Variants in NFIB observed in about 807,000 individuals in gnomAD.
NFIB encodes the protein nuclear factor I B.
A neutral mutation model predicts 61.5 loss-of-function variants in NFIB; 11 were observed. The ratio of observed to expected loss-of-function variants is 0.18; its 90% confidence interval spans 0.11 to 0.30. The LOEUF is 0.30. Ranked by LOEUF, NFIB falls within the 10% of genes least tolerant of loss-of-function variation. NFIB has a pLI of 1.00. For missense variants in NFIB, 471 were observed against 608.9 expected (o/e 0.77, Z 2.38); for synonymous variants, 260 against 216.5 (o/e 1.20, Z -1.76).
the NFIB span, among the ~76,000 whole-genome samples, chr9:14,519,650 A>G: frequency 1.3e-5 from 2 of 152,144 alleles, no homozygotes; most frequent in South Asian, 4.1e-4. Flanking sequence ...CTTAGAGTTA[A>G]TTACTATTAG....
At chr9:14,299,726 A>G (rs1453886263) in intron 2 of NFIB, among the ~76,000 whole-genome samples, 1 of 152,198 alleles carries the variant, frequency 6.6e-6, no homozygotes, top group African/African-American at 2.4e-5. Flanking sequence ...TTAATTTGTC[A>G]GTGATTCATC....
chr9:14,392,692 C>T (rs760843285), intron 1 of NFIB, among the ~76,000 whole-genome samples: 2 of 151,236 alleles, frequency 1.3e-5, no homozygotes, highest in Non-Finnish European at 2.9e-5. Flanking sequence ...TGCATGATAA[C>T]AAGGTGGCAG....
the NFIB span, among the ~76,000 whole-genome samples, chr9:14,506,971 T>C: frequency 3.9e-5 from 6 of 152,366 alleles, no homozygotes; most frequent in African/African-American, 1.2e-4. Flanking sequence ...GGGTATTTTC[T>C]ACCAAAGAAC....
At chr9:14,409,075 G>A in the NFIB span, among the ~76,000 whole-genome samples, 1 of 152,064 alleles carries the variant, frequency 6.6e-6, no homozygotes, top group Non-Finnish European at 1.5e-5. Flanking sequence ...CTGGTTCTGT[G>A]GTGGGGAAGA....
At chr9:14,398,437 T>C in intron 1 of NFIB, 1 of 987,878 alleles carries the variant, frequency 1.0e-6, no homozygotes, top group East Asian at 2.7e-5. Context: ...AGCCATATTT[T>C]CTGAACCCCA....
intron 10 of NFIB, among the ~76,000 whole-genome samples, chr9:14,098,348 A>G (rs568777763): frequency 3.3e-5 from 5 of 152,342 alleles, no homozygotes; most frequent in Non-Finnish European, 7.4e-5. Flanking sequence ...GAGAGAAGAG[A>G]GAATGAAACA....
intron 6 of NFIB, among the ~76,000 whole-genome samples, chr9:14,138,511 AT>A (rs2041324789): frequency 6.6e-6 from 1 of 152,116 alleles, no homozygotes; most frequent in Non-Finnish European, 1.5e-5. Context: ...TAAGAAATTA[AT>A]GTTATATTTG....
intron 1 of NFIB, among the ~76,000 whole-genome samples, chr9:14,346,768 T>TA (rs1025769512): frequency 6.6e-6 from 1 of 152,168 alleles, no homozygotes; most frequent in African/African-American, 2.4e-5. Context: ...CGCAAGGAGT[T>TA]ATAGAACCTT....
At chr9:14,452,417 A>AAGGG in the NFIB span, among the ~76,000 whole-genome samples, 1 of 99,426 alleles carries the variant, frequency 1.0e-5, no homozygotes, top group Non-Finnish European at 2.1e-5. Context: ...AGATGGAAGG[A>AAGGG]AGGAAGGGAG....
chr9:14,136,824 A>G (rs1010317116), intron 6 of NFIB, among the ~76,000 whole-genome samples: 3 of 152,206 alleles, frequency 2.0e-5, no homozygotes, highest in Non-Finnish European at 2.9e-5. Context: ...TCAGTTCAGC[A>G]GCTCAATGCA....
chr9:14,246,117 C>T (rs1464449291), intron 2 of NFIB, among the ~76,000 whole-genome samples: 2 of 151,460 alleles, frequency 1.3e-5, no homozygotes, highest in Admixed American at 6.6e-5. Flanking sequence ...TCAGGGACAG[C>T]GTGGGTTAGA....
At chr9:14,176,538 A>G (rs2046212792) in intron 3 of NFIB, among the ~76,000 whole-genome samples, 1 of 152,246 alleles carries the variant, frequency 6.6e-6, no homozygotes, top group East Asian at 1.9e-4. Context: ...TAAAAGCTCT[A>G]TAAAATAACA....
intron 3 of NFIB, among the ~76,000 whole-genome samples, chr9:14,165,390 T>C (rs1003663105): frequency 2.6e-5 from 4 of 152,098 alleles, no homozygotes; most frequent in Non-Finnish European, 5.9e-5. Flanking sequence ...GACTTCAAGA[T>C]GCCTAAATAA....
chr9:14,348,053 C>T (rs2061054983), intron 1 of NFIB, among the ~76,000 whole-genome samples: 2 of 152,184 alleles, frequency 1.3e-5, no homozygotes, highest in Admixed American at 1.3e-4. Flanking sequence ...CTAACCTGGG[C>T]ATTTATGCTG....
At chr9:14,223,467 G>A (rs993725812) in intron 2 of NFIB, among the ~76,000 whole-genome samples, 2 of 152,074 alleles carry the variant, frequency 1.3e-5, no homozygotes, top group Admixed American at 6.5e-5. Context: ...AATTTAAATA[G>A]AACAAAGCTT....
chr9:14,142,855 G>C (rs2041903056), intron 6 of NFIB, among the ~76,000 whole-genome samples: 1 of 152,252 alleles, frequency 6.6e-6, no homozygotes. Flanking sequence ...ATTTACAGAA[G>C]AGACTAAGCA....
At chr9:14,249,145 T>G (rs1365617992) in intron 2 of NFIB, among the ~76,000 whole-genome samples, 1 of 152,216 alleles carries the variant, frequency 6.6e-6, no homozygotes, top group African/African-American at 2.4e-5. Context: ...TGATAAGAAA[T>G]ACCTTTCATT....
intron 1 of NFIB, among the ~76,000 whole-genome samples, chr9:14,358,210 A>G (rs1588363624): frequency 7.3e-6 from 1 of 137,788 alleles, no homozygotes; most frequent in East Asian, 1.9e-4. Flanking sequence ...CTCATATATC[A>G]ATAAATATAT....
At chr9:14,250,221 T>C (rs1033655846) in intron 2 of NFIB, among the ~76,000 whole-genome samples, 1 of 151,964 alleles carries the variant, frequency 6.6e-6, no homozygotes, top group Non-Finnish European at 1.5e-5. Context: ...ATAAGAGGAG[T>C]GGGAAACAGG....
Sources: allele counts gnomAD v4.1 joint callset (sites outside exome capture counted in the v4.1 genomes callset), GRCh38; gene constraint gnomAD v4.1.1; transcripts MANE v1.5; gene names NCBI Gene and HGNC (gene_info 2026-07-23, HGNC 2026-07-21).